GRIA3: variants seen among roughly 807,000 people sequenced by gnomAD.
GRIA3 encodes the protein glutamate ionotropic receptor AMPA type subunit 3.
Under a neutral mutation model 63.0 loss-of-function variants are expected in GRIA3, and 3 were observed. The observed-to-expected ratio is 0.05, with a 90% CI of 0.02 to 0.12. GRIA3 has a LOEUF of 0.12. Among genes scored for constraint, GRIA3 ranks in the 10% least tolerant of loss-of-function variants. GRIA3 has a pLI of 1.00. For missense variants in GRIA3, 347 were observed against 700.9 expected, an observed-to-expected ratio of 0.50 and a Z score of 5.70; for synonymous variants, 274 against 257.9, an observed-to-expected ratio of 1.06 and a Z score of -0.60.
chrX:123,242,379 G>C (rs1325474859), intron 2 of GRIA3, among the ~76,000 whole-genome samples: 2 of 111,760 alleles, frequency 1.8e-5, no homozygotes, highest in Non-Finnish European at 3.8e-5. Flanking sequence ...ACAAACCTTA[G>C]GGCTGATCCA....
chrX:123,322,129 T>C (rs1480521648), intron 3 of GRIA3, among the ~76,000 whole-genome samples: 1 of 111,675 alleles, frequency 9.0e-6, no homozygotes, highest in Non-Finnish European at 1.9e-5. Flanking sequence ...GCCAAGATTA[T>C]CACACCTTAT....
intron 2 of GRIA3, among the ~76,000 whole-genome samples, chrX:123,196,831 A>G (rs1275326067): frequency 8.9e-6 from 1 of 112,018 alleles, no homozygotes; most frequent in African/African-American, 3.3e-5. Context: ...GATTGTTACA[A>G]TCACTTCTTG....
At chrX:123,479,935 A>G (rs778465567) in intron 13 of GRIA3, 128 bp from the exon 14 acceptor site, 24 of 497,655 alleles carry the variant, frequency 4.8e-5, no homozygotes, top group African/African-American at 3.3e-4. Context: ...GGTTGCCTGC[A>G]GTGTCTAAAA....
At chrX:123,353,020 T>TACACACACACACACACACACACACACAC (rs556926418) in intron 4 of GRIA3, among the ~76,000 whole-genome samples, 2 of 87,763 alleles carry the variant, frequency 2.3e-5, no homozygotes, top group Non-Finnish European at 4.5e-5. Flanking sequence ...CTCTCTCTCA[T>TACACACACACACACACACACACACACAC]ACACACACAC....
intron 10 of GRIA3, among the ~76,000 whole-genome samples, chrX:123,405,421 G>A (rs183151230): frequency 3.1e-4 from 35 of 111,278 alleles, no homozygotes; most frequent in East Asian, 1.7e-3. Context: ...GTTACCCTGC[G>A]TCTGTTCTTA....
chrX:123,403,992 C>T (rs1237810949), intron 9 of GRIA3, among the ~76,000 whole-genome samples: 1 of 111,682 alleles, frequency 9.0e-6, no homozygotes, highest in East Asian at 2.8e-4. Flanking sequence ...GTCATAAGCC[C>T]GTTTCAAGGC....
At chrX:123,434,457 G>C (rs1406106830) in intron 12 of GRIA3, among the ~76,000 whole-genome samples, 2 of 111,852 alleles carry the variant, frequency 1.8e-5, no homozygotes, top group Non-Finnish European at 3.8e-5. Flanking sequence ...CAACAGATGA[G>C]TTGACACTAA....
intron 2 of GRIA3, among the ~76,000 whole-genome samples, chrX:123,232,912 C>G (rs1381321979): frequency 1.8e-5 from 2 of 110,871 alleles, no homozygotes; most frequent in African/African-American, 6.6e-5. Flanking sequence ...AAAAATTAAA[C>G]AATTTGACCA....
At chrX:123,222,922 T>G (rs932694761) in intron 2 of GRIA3, among the ~76,000 whole-genome samples, 4 of 112,172 alleles carry the variant, frequency 3.6e-5, no homozygotes, top group African/African-American at 1.3e-4. Context: ...TTCCCTCCAT[T>G]TACCTATTGA....
At chrX:123,187,752 C>T (rs1927318469) in intron 2 of GRIA3, among the ~76,000 whole-genome samples, 1 of 111,869 alleles carries the variant, frequency 8.9e-6, no homozygotes, top group Non-Finnish European at 1.9e-5. Flanking sequence ...GGTTTTTGGT[C>T]CTGTTCTTAT....
chrX:123,239,868 C>A (rs1214917169), intron 2 of GRIA3, among the ~76,000 whole-genome samples: 1 of 112,089 alleles, frequency 8.9e-6, no homozygotes, highest in Non-Finnish European at 1.9e-5. Flanking sequence ...TCAAGCTAGA[C>A]AAGACAGGTC....
chrX:123,354,811 T>C (rs962307045), intron 4 of GRIA3, 99 bp from the exon 5 acceptor site: 11 of 612,370 alleles, frequency 1.8e-5, no homozygotes, highest in African/African-American at 6.6e-5. Flanking sequence ...TTTTCCTGTA[T>C]ATAAAAGCTC....
At chrX:123,227,773 G>A (rs1017804706) in intron 2 of GRIA3, among the ~76,000 whole-genome samples, 2 of 112,336 alleles carry the variant, frequency 1.8e-5, no homozygotes, top group Non-Finnish European at 3.8e-5. Context: ...GTCTTAGGTT[G>A]AGTTGAATAG....
At chrX:123,445,221 T>C (rs1365826989) in intron 12 of GRIA3, among the ~76,000 whole-genome samples, 1 of 112,058 alleles carries the variant, frequency 8.9e-6, no homozygotes, top group Admixed American at 9.4e-5. Context: ...TCTTTCTAAC[T>C]TTCTTTGGAG....
chrX:123,488,094 C>T (rs889926950), intron 15 of GRIA3, among the ~76,000 whole-genome samples: 10 of 111,980 alleles, frequency 8.9e-5, no homozygotes, highest in Non-Finnish European at 1.5e-4. Flanking sequence ...AAAAAGAAGA[C>T]ACTATCAGCA....
chrX:123,353,930 A>G (rs907751574), intron 4 of GRIA3, among the ~76,000 whole-genome samples: 7 of 111,581 alleles, frequency 6.3e-5, no homozygotes. Context: ...ATAAACATCA[A>G]TTATTTAGTC....
At chrX:123,339,072 A>C (rs914833866) in intron 4 of GRIA3, among the ~76,000 whole-genome samples, 3 of 112,213 alleles carry the variant, frequency 2.7e-5, no homozygotes, top group Non-Finnish European at 3.8e-5. Context: ...GAGGAAGACT[A>C]GGATGTTTCA....
intron 11 of GRIA3, among the ~76,000 whole-genome samples, chrX:123,422,559 A>G (rs1402672556): frequency 8.9e-6 from 1 of 112,008 alleles, no homozygotes; most frequent in African/African-American, 3.2e-5. Context: ...GAAGAAGCAT[A>G]GTGGTTAAGC....
At chrX:123,209,573 GA>G (rs763112488) in intron 2 of GRIA3, among the ~76,000 whole-genome samples, 1 of 111,806 alleles carries the variant, frequency 8.9e-6, no homozygotes, top group East Asian at 2.8e-4. Flanking sequence ...CCTAAACTTT[GA>G]TCAAGATTTG....
Sources: gnomAD v4.1 joint callset for allele counts (sites outside exome capture counted in the v4.1 genomes callset) on GRCh38, gnomAD v4.1.1 for gene constraint, MANE v1.5 for transcripts, NCBI Gene and HGNC (gene_info 2026-07-23, HGNC 2026-07-21) for gene names.